The following C2orf76 variants were observed in gnomAD, a reference collection of about 807,000 sequenced individuals.
The protein encoded by C2orf76 is chromosome 2 open reading frame 76, also known as UPF0538 protein C2orf76.
C2orf76 carries 23 observed loss-of-function variants against 16.9 expected under a neutral mutation model. That is an observed-to-expected ratio of 1.36 (90% CI 0.98 to 1.93). The LOEUF (loss-of-function observed/expected upper bound fraction) is 1.93, where lower values mean the gene tolerates loss of function less well. Ranked by LOEUF, C2orf76 falls within the 30% of genes most tolerant of loss-of-function variation. C2orf76 has a pLI of 0.00. For missense variants in C2orf76, 152 were observed against 152.6 expected, an observed-to-expected ratio of 1.00 and a Z score of 0.02; for synonymous variants, 48 against 52.3, an observed-to-expected ratio of 0.92 and a Z score of 0.35.
chr2:119,291,102 C>T, the C2orf76 span, among the ~76,000 whole-genome samples: 3 of 152,018 alleles, frequency 2.0e-5, no homozygotes, highest in Non-Finnish European at 4.4e-5. Context: ...AGTGCAGAGC[C>T]ACTCCACCTG....
the C2orf76 span, among the ~76,000 whole-genome samples, chr2:119,283,381 C>T: frequency 6.6e-6 from 1 of 152,252 alleles, no homozygotes; most frequent in Non-Finnish European, 1.5e-5. Context: ...CAGCTCTGCC[C>T]TTCCTGCCTC....
intron 1 of C2orf76, among the ~76,000 whole-genome samples, chr2:119,357,871 T>A (rs555607086): frequency 6.6e-6 from 1 of 152,320 alleles, no homozygotes; most frequent in Admixed American, 6.5e-5. Context: ...CTGGAATTAA[T>A]GAATTTGGCA....
chr2:119,299,738 C>T (rs1341222087), downstream of C2orf76, among the ~76,000 whole-genome samples: 1 of 152,160 alleles, frequency 6.6e-6, no homozygotes, highest in Non-Finnish European at 1.5e-5. Flanking sequence ...AGGTACTATA[C>T]ATACATATTT....
the C2orf76 span, among the ~76,000 whole-genome samples, chr2:119,297,080 G>A: frequency 5.3e-5 from 8 of 152,184 alleles, no homozygotes; most frequent in Non-Finnish European, 8.8e-5. Context: ...ATAAGTACCC[G>A]AAGACATGTA....
At chr2:119,352,942 C>A (rs969641197) in intron 1 of C2orf76, among the ~76,000 whole-genome samples, 1 of 152,046 alleles carries the variant, frequency 6.6e-6, no homozygotes, top group African/African-American at 2.4e-5. Flanking sequence ...CCTTTTAAAA[C>A]AAATAAATCA....
the C2orf76 span, among the ~76,000 whole-genome samples, chr2:119,283,620 G>A: frequency 2.6e-5 from 4 of 152,034 alleles, no homozygotes; most frequent in Middle Eastern, 3.4e-3. Flanking sequence ...GATTACAGGC[G>A]CCCACCACCA....
the C2orf76 span, among the ~76,000 whole-genome samples, chr2:119,291,937 C>T: frequency 2.6e-5 from 4 of 152,052 alleles, no homozygotes; most frequent in Non-Finnish European, 4.4e-5. Context: ...GAGCCAGAAA[C>T]TGAGACCTGG....
the C2orf76 span, among the ~76,000 whole-genome samples, chr2:119,286,929 C>T: frequency 6.6e-6 from 1 of 152,198 alleles, no homozygotes; most frequent in African/African-American, 2.4e-5. Context: ...AAGGGTTTCA[C>T]TTGCTCCAGC....
chr2:119,317,576 G>A lies in C2orf76; in HGVS notation c.185-73C>T, dbSNP rs1679212464. On this transcript the variant is annotated intron_variant, in intron 3 of 5. Coordinates refer to ENST00000334816, the MANE Select transcript of C2orf76 (RefSeq NM_001322331.2). Reference sequence around the variant, plus strand: ...TCTTTTCAAATTATTAAAATGGGTGGAGGGTGGCTACGAAATTGAGAAATG... The same window carrying A: ...TCTTTTCAAATTATTAAAATGGGTGAAGGGTGGCTACGAAATTGAGAAATG... 7 of 1,250,698 alleles carry A rather than the reference G, an allele frequency of 5.6e-6. No individual in the cohort carries two copies. In the Admixed American group the frequency reaches 1.2e-4, roughly 21 times the overall value. 77.5% of individuals were successfully genotyped at this position (1,250,698 alleles called of 1,614,324 possible). A position where few individuals can be genotyped will look rare whatever the true frequency, so the allele number is the denominator to read the frequency against.
intron 1 of C2orf76, among the ~76,000 whole-genome samples, chr2:119,347,172 T>C (rs909109183): frequency 6.6e-6 from 1 of 152,188 alleles, no homozygotes; most frequent in Non-Finnish European, 1.5e-5. Flanking sequence ...CCTCCAGATC[T>C]CATTCCCAGT....
intron 2 of C2orf76, among the ~76,000 whole-genome samples, chr2:119,336,598 T>C (rs575353718): frequency 2.6e-3 from 388 of 152,120 alleles, no homozygotes; most frequent in Admixed American, 4.8e-3. Context: ...GGCAGGTAAC[T>C]AGGTTAACCT....
intron 1 of C2orf76, 62 bp from the exon 2 acceptor site, chr2:119,340,033 T>C: frequency 6.5e-7 from 1 of 1,545,938 alleles, no homozygotes; most frequent in Non-Finnish European, 8.9e-7. Context: ...TACCAGCACC[T>C]AGCCTGCATC....
At chr2:119,366,859 C>T, upstream of C2orf76, 1 of 723,112 alleles carries the variant, frequency 1.4e-6, no homozygotes, top group Non-Finnish European at 2.3e-6. Flanking sequence ...TCGGGCGGGG[C>T]TAGCGCCGCG....
chr2:119,321,273 G>A, intron 2 of C2orf76, 69 bp from the exon 3 acceptor site: 1 of 852,440 alleles, frequency 1.2e-6, no homozygotes, highest in Non-Finnish European at 1.8e-6. Flanking sequence ...ACAGTCTTTT[G>A]GTTCTATTCT....
At chr2:119,285,412 C>T in the C2orf76 span, among the ~76,000 whole-genome samples, 2 of 152,182 alleles carry the variant, frequency 1.3e-5, no homozygotes, top group Admixed American at 6.5e-5. Flanking sequence ...GGCATCTCTG[C>T]GGGCTGTGGA....
chr2:119,312,643 T>C (rs970090461), intron 4 of C2orf76, among the ~76,000 whole-genome samples: 3 of 152,216 alleles, frequency 2.0e-5, no homozygotes, highest in Admixed American at 1.3e-4. Flanking sequence ...ATTGGAATAT[T>C]TCTCTATGTG....
At chr2:119,316,133 T>C (rs563264294) in intron 4 of C2orf76, among the ~76,000 whole-genome samples, 53 of 152,314 alleles carry the variant, frequency 3.5e-4, no homozygotes, top group Non-Finnish European at 6.5e-4. Context: ...ATGTATATAA[T>C]ACACAAAAAT....
intron 4 of C2orf76, 84 bp downstream of exon 4, chr2:119,317,382 G>T (rs1679203050): frequency 4.2e-6 from 4 of 949,144 alleles, no homozygotes; most frequent in Non-Finnish European, 4.6e-6. Flanking sequence ...TATTTTAGAT[G>T]TACATGTATT....
intron 4 of C2orf76, among the ~76,000 whole-genome samples, chr2:119,315,781 A>G (rs975799141): frequency 2.0e-4 from 31 of 152,224 alleles, no homozygotes; most frequent in Admixed American, 9.2e-4. Context: ...TTCAACTGGA[A>G]AAACAAGCCC....
Sources: gnomAD v4.1 joint callset for allele counts (sites outside exome capture counted in the v4.1 genomes callset) on GRCh38, gnomAD v4.1.1 for gene constraint, MANE v1.5 for transcripts, NCBI Gene and HGNC (gene_info 2026-07-23, HGNC 2026-07-21) for gene names.